CTTNBP2NL: variants seen among roughly 807,000 people sequenced by gnomAD.
CTTNBP2NL encodes the protein CTTNBP2 N-terminal-like protein.
Under a neutral mutation model 32.5 loss-of-function variants are expected in CTTNBP2NL, and 16 were observed. The observed-to-expected ratio is 0.49, with a 90% CI of 0.33 to 0.75. The LOEUF (loss-of-function observed/expected upper bound fraction) is 0.75, where lower values mean the gene tolerates loss of function less well. CTTNBP2NL is among the 30% of genes least tolerant of loss of function. The pLI is 0.02. For synonymous variants in CTTNBP2NL, 298 were observed against 289.4 expected, an observed-to-expected ratio of 1.03 and a Z score of -0.30; for missense variants, 645 against 756.0, an observed-to-expected ratio of 0.85 and a Z score of 1.72.
At chr1:112,420,231 C>T (rs1036847169) in intron 3 of CTTNBP2NL, among the ~76,000 whole-genome samples, 5 of 150,550 alleles carry the variant, frequency 3.3e-5, no homozygotes, top group African/African-American at 2.4e-5. Flanking sequence ...CTGCAGCCTC[C>T]GCCTCCTGAG....
intron 3 of CTTNBP2NL, among the ~76,000 whole-genome samples, chr1:112,435,394 A>G (rs1201480452): frequency 6.6e-6 from 1 of 152,146 alleles, no homozygotes; most frequent in East Asian, 1.9e-4. Flanking sequence ...ACTATATCCC[A>G]GGTATCTGGA....
intron 2 of CTTNBP2NL, 69 bp from the exon 3 acceptor site, chr1:112,416,088 T>C: frequency 2.4e-6 from 2 of 832,290 alleles, no homozygotes; most frequent in South Asian, 3.0e-5. Context: ...TCTCTCACTT[T>C]ATTTTTTCTT....
rs184263843 is a variant in CTTNBP2NL, at chr1:112,408,110, G to C, written c.-133-4084G>C. Among the ~76,000 whole-genome samples the C allele has an allele frequency of 5.0e-3, 762 of 151,122 alleles. 5 individuals carry two copies. Among genetic ancestry groups the C allele is most frequent in the Middle Eastern group, 0.017 (5 of 290 alleles). ...GATTTGCCGGCCTCAGCCTCCCAAA[G>C]TGTTGGGATTACAGGTGTGAGCCAC... is the stretch of plus-strand genomic sequence containing the variant. On this transcript the variant is annotated intron_variant, in intron 1 of 5. Coordinates refer to ENST00000271277, the MANE Select transcript of CTTNBP2NL (RefSeq NM_018704.3).
At chr1:112,429,520 C>G (rs1649499642) in intron 3 of CTTNBP2NL, among the ~76,000 whole-genome samples, 1 of 152,144 alleles carries the variant, frequency 6.6e-6, no homozygotes, top group South Asian at 2.1e-4. Flanking sequence ...AAGACCTTAC[C>G]TCTTTCTTAA....
At chr1:112,406,010 C>G (rs867399697) in intron 1 of CTTNBP2NL, among the ~76,000 whole-genome samples, 1 of 151,748 alleles carries the variant, frequency 6.6e-6, no homozygotes, top group African/African-American at 2.4e-5. Context: ...ATGGTGAAAC[C>G]CTGTCTCTAC....
At chr1:112,400,717 G>T (rs937553138) in intron 1 of CTTNBP2NL, among the ~76,000 whole-genome samples, 1 of 151,992 alleles carries the variant, frequency 6.6e-6, no homozygotes, top group African/African-American at 2.4e-5. Context: ...GCTTTAACCC[G>T]GGAGACGGAG....
chr1:112,409,116 A>T (rs888443616), intron 1 of CTTNBP2NL, among the ~76,000 whole-genome samples: 2 of 142,084 alleles, frequency 1.4e-5, no homozygotes, highest in African/African-American at 5.3e-5. Flanking sequence ...CAACCAAGTG[A>T]GACTCTGTCT....
At chr1:112,448,178 A>C (rs1190054129) in intron 3 of CTTNBP2NL, among the ~76,000 whole-genome samples, 12 of 152,196 alleles carry the variant, frequency 7.9e-5, no homozygotes, top group Admixed American at 7.9e-4. Flanking sequence ...AAGCCTTGAA[A>C]GAGACAGAAA....
At chr1:112,447,549 C>T (rs1025506535) in intron 3 of CTTNBP2NL, among the ~76,000 whole-genome samples, 3 of 151,914 alleles carry the variant, frequency 2.0e-5, no homozygotes, top group African/African-American at 7.3e-5. Flanking sequence ...CTGATAAGAA[C>T]GTAAAATTTT....
intron 3 of CTTNBP2NL, among the ~76,000 whole-genome samples, chr1:112,429,073 C>T (rs1388146807): frequency 6.6e-6 from 1 of 152,090 alleles, no homozygotes; most frequent in Non-Finnish European, 1.5e-5. Flanking sequence ...GTATATAGCC[C>T]TCTATGGTTT....
chr1:112,426,001 G>GTGTCTGTC (rs36168869), intron 3 of CTTNBP2NL, among the ~76,000 whole-genome samples: 1 of 72,576 alleles, frequency 1.4e-5, no homozygotes, highest in African/African-American at 3.4e-5. Context: ...GTGTGTGTGT[G>GTGTCTGTC]TGTCTGTCTG....
chr1:112,439,754 C>T (rs1192684837), intron 3 of CTTNBP2NL, among the ~76,000 whole-genome samples: 1 of 152,134 alleles, frequency 6.6e-6, no homozygotes. Flanking sequence ...GCCCCCTACC[C>T]GAACCCTGCC....
At chr1:112,424,540 C>T (rs1481500675) in intron 3 of CTTNBP2NL, among the ~76,000 whole-genome samples, 1 of 152,140 alleles carries the variant, frequency 6.6e-6, no homozygotes, top group Non-Finnish European at 1.5e-5. Context: ...AATCAGCTTG[C>T]CAATTTCCCT....
intron 3 of CTTNBP2NL, among the ~76,000 whole-genome samples, chr1:112,442,568 C>T (rs959141098): frequency 4.0e-5 from 6 of 151,840 alleles, no homozygotes; most frequent in African/African-American, 1.2e-4. Context: ...CACCTACCTA[C>T]ACTGAACAAG....
Position 112,457,976 on chromosome 1 carries a change from A to G in CTTNBP2NL, c.*564A>G, listed in dbSNP as rs957180926. The G allele has an allele frequency of 1.3e-5, 2 of 153,578 alleles. No homozygotes were observed. Among genetic ancestry groups the G allele is most frequent in the African/African-American group, 4.8e-5 (2 of 41,480 alleles). The allele number at this position is 153,578 out of a possible 1,614,324, so 9.5% of individuals were successfully genotyped here. A position where few individuals can be genotyped will look rare whatever the true frequency, so the allele number is the denominator to read the frequency against. On this transcript the variant is annotated 3_prime_UTR_variant, in exon 6 of 6. Coordinates refer to ENST00000271277, the MANE Select transcript of CTTNBP2NL (RefSeq NM_018704.3). ...TGTTCTGAAACAAGGCTGCATAAGTAGAATGGGAATCCTTCTAAAGGTGGG... is the reference window on the plus strand; with the variant it reads ...TGTTCTGAAACAAGGCTGCATAAGTGGAATGGGAATCCTTCTAAAGGTGGG...
intron 3 of CTTNBP2NL, among the ~76,000 whole-genome samples, chr1:112,425,456 G>A (rs1649367025): frequency 6.6e-6 from 1 of 152,084 alleles, no homozygotes. Flanking sequence ...GGGCAGCAGA[G>A]CAAGACTCCA....
chr1:112,454,437 A>C lies in CTTNBP2NL; in HGVS notation c.331-12A>C, dbSNP rs1291900309. 1 of 1,601,318 alleles carries C rather than the reference A, an allele frequency of 6.2e-7. No homozygotes were observed. Among genetic ancestry groups the C allele is most frequent in the Non-Finnish European group, 8.5e-7 (1 of 1,171,624 alleles). On this transcript the variant is annotated splice_polypyrimidine_tract_variant and intron_variant, in intron 4 of 5. Transcript: ENST00000271277. ...TGATATTTGAAAATGAAATTTAAAA[A>C]ATTCTTTAAAGGTGATCCTAGACCT... is the stretch of plus-strand genomic sequence containing the variant.
chr1:112,448,588 G>C (rs1650122246), intron 3 of CTTNBP2NL, among the ~76,000 whole-genome samples: 1 of 152,068 alleles, frequency 6.6e-6, no homozygotes, highest in Admixed American at 6.6e-5. Flanking sequence ...AGGTTGCCTG[G>C]GTTTAAATCC....
At chr1:112,399,487 A>G (rs921484498) in intron 1 of CTTNBP2NL, among the ~76,000 whole-genome samples, 1 of 152,178 alleles carries the variant, frequency 6.6e-6, no homozygotes, top group Non-Finnish European at 1.5e-5. Context: ...GTGTAATTAT[A>G]CAGGCTGATT....
Sources: gnomAD v4.1 joint callset for allele counts (sites outside exome capture counted in the v4.1 genomes callset) on GRCh38, gnomAD v4.1.1 for gene constraint, MANE v1.5 for transcripts, NCBI Gene and HGNC (gene_info 2026-07-23, HGNC 2026-07-21) for gene names.